The following POU2AF3 variants were observed in gnomAD, a reference collection of about 807,000 sequenced individuals.
POU2AF3 encodes the protein POU class 2 homeobox associating factor 3, also known as cancer susceptibility candidate 13.
the POU2AF3 span, among the ~76,000 whole-genome samples, chr11:111,300,870 T>C: frequency 2.0e-5 from 3 of 152,314 alleles, no homozygotes; most frequent in East Asian, 3.9e-4. Flanking sequence ...AAGTAAAGTA[T>C]AAAAAGTGCG....
the POU2AF3 span, chr11:111,298,826 G>GGGGGGCCC: frequency 2.5e-6 from 2 of 790,960 alleles, no homozygotes; most frequent in Non-Finnish European, 3.4e-6. Flanking sequence ...CGTACCCCAG[G>GGGGGGCCC]CCCCCGCCCG....
the POU2AF3 span, chr11:111,308,054 T>A: frequency 6.8e-7 from 1 of 1,475,986 alleles, no homozygotes; most frequent in Non-Finnish European, 9.0e-7. Context: ...TGTTTCTTGG[T>A]TGTCATTTCT....
At chr11:111,303,087 G>A in the POU2AF3 span, among the ~76,000 whole-genome samples, 15 of 152,142 alleles carry the variant, frequency 9.9e-5, no homozygotes, top group African/African-American at 3.1e-4. Context: ...ATTTTAAGAA[G>A]GCAATCACGA....
the POU2AF3 span, among the ~76,000 whole-genome samples, chr11:111,305,520 G>A: frequency 8.5e-5 from 13 of 152,176 alleles, 1 homozygote; most frequent in South Asian, 4.1e-4. Flanking sequence ...TAAGGAGGTC[G>A]TATATAAGGA....
the POU2AF3 span, among the ~76,000 whole-genome samples, chr11:111,301,702 A>C: frequency 6.6e-6 from 1 of 152,196 alleles, no homozygotes; most frequent in Non-Finnish European, 1.5e-5. Flanking sequence ...ATTCGTCTTC[A>C]AATTGGGGAT....
At chr11:111,304,596 A>G in the POU2AF3 span, among the ~76,000 whole-genome samples, 11 of 152,290 alleles carry the variant, frequency 7.2e-5, no homozygotes, top group African/African-American at 2.4e-4. Context: ...TTCCAATGCA[A>G]TTTTCCAGAT....
chr11:111,298,826 G>GCCGGGGGGGCC, the POU2AF3 span: 3 of 790,962 alleles, frequency 3.8e-6, no homozygotes, highest in Non-Finnish European at 5.1e-6. Context: ...CGTACCCCAG[G>GCCGGGGGGGCC]CCCCCGCCCG....
At chr11:111,303,383 G>A in the POU2AF3 span, among the ~76,000 whole-genome samples, 1 of 152,092 alleles carries the variant, frequency 6.6e-6, no homozygotes, top group Admixed American at 6.6e-5. Context: ...TTTATAAATT[G>A]TAGACTGTGA....
chr11:111,303,095 C>T, the POU2AF3 span, among the ~76,000 whole-genome samples: 15 of 152,250 alleles, frequency 9.9e-5, no homozygotes, highest in Non-Finnish European at 2.1e-4. Context: ...AAGGCAATCA[C>T]GAATGGAAGT....
chr11:111,298,826 G>GCGGGGGGGCCGC, the POU2AF3 span: 1 of 790,962 alleles, frequency 1.3e-6, no homozygotes, highest in Non-Finnish European at 1.7e-6. Context: ...CGTACCCCAG[G>GCGGGGGGGCCGC]CCCCCGCCCG....
chr11:111,298,826 G>GCCGGGGGCCC, the POU2AF3 span: 6 of 790,962 alleles, frequency 7.6e-6, no homozygotes, highest in Non-Finnish European at 1.0e-5. Flanking sequence ...CGTACCCCAG[G>GCCGGGGGCCC]CCCCCGCCCG....
the POU2AF3 span, chr11:111,300,700 C>A: frequency 1.4e-6 from 1 of 693,598 alleles, no homozygotes; most frequent in Non-Finnish European, 2.0e-6. Context: ...GTGGAGGCCA[C>A]TCAAGGCCCC....
chr11:111,304,046 G>A, the POU2AF3 span, among the ~76,000 whole-genome samples: 2 of 152,124 alleles, frequency 1.3e-5, no homozygotes, highest in South Asian at 4.1e-4. Context: ...TTTATAGATA[G>A]TAGTACAAAA....
At chr11:111,300,498 C>CTCCA in the POU2AF3 span, 1 of 1,165,920 alleles carries the variant, frequency 8.6e-7, no homozygotes, top group African/African-American at 1.6e-5. Context: ...ACCTTGGACT[C>CTCCA]GACCACTGAC....
At chr11:111,305,112 G>T in the POU2AF3 span, 1 of 466,666 alleles carries the variant, frequency 2.1e-6, no homozygotes. Flanking sequence ...ATCAGAAGGT[G>T]AAAAAGGCAT....
chr11:111,306,316 T>C, the POU2AF3 span: 1 of 745,510 alleles, frequency 1.3e-6, no homozygotes, highest in Non-Finnish European at 2.0e-6. Context: ...ATAGTAAATA[T>C]TCAGAGTATA....
the POU2AF3 span, among the ~76,000 whole-genome samples, chr11:111,305,373 G>C: frequency 6.6e-6 from 1 of 152,156 alleles, no homozygotes; most frequent in Non-Finnish European, 1.5e-5. Flanking sequence ...TGTTCCTTTA[G>C]TTTCCAGCCG....
chr11:111,305,465 G>A, the POU2AF3 span, among the ~76,000 whole-genome samples: 5 of 152,244 alleles, frequency 3.3e-5, no homozygotes, highest in South Asian at 6.2e-4. Context: ...AGAATAACTC[G>A]ATTACATAAA....
At chr11:111,303,855 A>C in the POU2AF3 span, among the ~76,000 whole-genome samples, 1 of 151,924 alleles carries the variant, frequency 6.6e-6, no homozygotes, top group Non-Finnish European at 1.5e-5. Flanking sequence ...ACAGAGCAAT[A>C]CGGGTACCTT....
Sources: allele counts gnomAD v4.1 joint callset (sites outside exome capture counted in the v4.1 genomes callset), GRCh38; gene constraint gnomAD v4.1.1; transcripts MANE v1.5; gene names NCBI Gene and HGNC (gene_info 2026-07-23, HGNC 2026-07-21).